The following PRKCE variants were observed in gnomAD, a reference collection of about 807,000 sequenced individuals.
PRKCE encodes protein kinase C epsilon.
A neutral mutation model predicts 85.4 loss-of-function variants in PRKCE; 16 were observed. The observed-to-expected ratio is 0.19, with a 90% CI of 0.13 to 0.28. The LOEUF (loss-of-function observed/expected upper bound fraction) is 0.28. Among genes scored for constraint, PRKCE ranks in the 10% least tolerant of loss-of-function variants. PRKCE has a pLI of 1.00. For synonymous variants in PRKCE, 388 were observed against 371.5 expected, an observed-to-expected ratio of 1.04 and a Z score of -0.51; for missense variants, 573 against 975.2, an observed-to-expected ratio of 0.59 and a Z score of 5.49.
At chr2:45,744,982 C>G (rs1181244108) in intron 1 of PRKCE, among the ~76,000 whole-genome samples, 1 of 152,136 alleles carries the variant, frequency 6.6e-6, no homozygotes, top group East Asian at 1.9e-4. Flanking sequence ...TGTATTTTTC[C>G]AAGTGCTCCA....
Position 45,763,853 on chromosome 2 carries a change from G to A in PRKCE, c.349-79147G>A, listed in dbSNP as rs112047059. On this transcript the variant is annotated intron_variant, in intron 1 of 14. Transcript: ENST00000306156. ...CACCTTGTTAAAAGAATCCCAAGCCGAATTGAACAGATTGGGAGCTTTGGT... is the reference window on the plus strand; with the variant it reads ...CACCTTGTTAAAAGAATCCCAAGCCAAATTGAACAGATTGGGAGCTTTGGT... Among the ~76,000 whole-genome samples, 629 of 152,262 alleles carry A rather than the reference G, an allele frequency of 4.1e-3. 9 individuals are homozygous for A. Among genetic ancestry groups the A allele is most frequent in the African/African-American group, 0.014 (575 of 41,560 alleles).
At chr2:45,692,323 G>GT (rs549161779) in intron 1 of PRKCE, among the ~76,000 whole-genome samples, 1 of 152,134 alleles carries the variant, frequency 6.6e-6, no homozygotes, top group African/African-American at 2.4e-5. Context: ...ATGTCGGGGA[G>GT]TTTTTTCTTG....
At chr2:45,983,439 TG>T (rs1292469058) in intron 5 of PRKCE, among the ~76,000 whole-genome samples, 2 of 152,110 alleles carry the variant, frequency 1.3e-5, no homozygotes, top group Non-Finnish European at 2.9e-5. Context: ...TGAGAGGGGC[TG>T]GGGGTGCAGC....
At chr2:45,760,042 A>G (rs756074286) in intron 1 of PRKCE, among the ~76,000 whole-genome samples, 21 of 152,336 alleles carry the variant, frequency 1.4e-4, no homozygotes, top group South Asian at 8.3e-4. Flanking sequence ...AAAGTGCTGC[A>G]GGAAAGGGCT....
At chr2:45,843,135 C>A (rs147829558) in intron 2 of PRKCE, 72 bp downstream of exon 2, 26 of 1,350,748 alleles carry the variant, frequency 1.9e-5, no homozygotes, top group Non-Finnish European at 2.5e-5. Context: ...TTCTTTCCCC[C>A]CCTTGGCCGG....
chr2:45,828,082 C>G (rs1340961482), intron 1 of PRKCE, among the ~76,000 whole-genome samples: 1 of 152,134 alleles, frequency 6.6e-6, no homozygotes, highest in Non-Finnish European at 1.5e-5. Context: ...AAATGTTTGC[C>G]CATTCCTGAT....
At chr2:45,742,508 T>C (rs1682664185) in intron 1 of PRKCE, among the ~76,000 whole-genome samples, 1 of 150,760 alleles carries the variant, frequency 6.6e-6, no homozygotes, top group Non-Finnish European at 1.5e-5. Flanking sequence ...TACCAACAGG[T>C]ATATGAAAGG....
chr2:45,767,041 A>G (rs997179926), intron 1 of PRKCE, among the ~76,000 whole-genome samples: 2 of 149,776 alleles, frequency 1.3e-5, no homozygotes, highest in Non-Finnish European at 3.0e-5. Flanking sequence ...ACTCAGTCTA[A>G]AAAAAAAAAA....
intron 1 of PRKCE, among the ~76,000 whole-genome samples, chr2:45,753,373 G>A (rs1683742251): frequency 6.6e-6 from 1 of 151,926 alleles, no homozygotes; most frequent in Admixed American, 6.5e-5. Flanking sequence ...AAGTTTTATG[G>A]AGAACTTTAC....
intron 1 of PRKCE, among the ~76,000 whole-genome samples, chr2:45,691,446 T>A (rs1167450890): frequency 2.0e-5 from 3 of 152,200 alleles, no homozygotes; most frequent in Non-Finnish European, 4.4e-5. Context: ...AAGGTTTTTC[T>A]GGAATGCCTT....
intron 1 of PRKCE, among the ~76,000 whole-genome samples, chr2:45,822,449 G>C (rs992032325): frequency 6.6e-6 from 1 of 152,222 alleles, no homozygotes; most frequent in Non-Finnish European, 1.5e-5. Context: ...GGGTGGCCCA[G>C]GTCCTGCCTG....
rs151276014 is a variant in PRKCE, at chr2:46,164,094, T to C, written c.2067+4342T>C. ...TAACTTGAGGACATGTGAGATGCCT[T>C]CCTAGCAGAGCTGGGAAAGAAAGGG... On this transcript the variant is annotated intron_variant, in intron 14 of 14. Coordinates refer to ENST00000306156, the MANE Select transcript of PRKCE (RefSeq NM_005400.3). Among the ~76,000 whole-genome samples, 317 of 152,306 alleles carry C rather than the reference T, an allele frequency of 2.1e-3. 1 individual carries two copies. The highest frequency in any genetic ancestry group is 7.0e-3 in the African/African-American group (290 of 41,570).
intron 10 of PRKCE, among the ~76,000 whole-genome samples, chr2:46,014,582 T>C (rs116054841): frequency 0.011 from 1,667 of 152,308 alleles, 37 homozygotes; most frequent in African/African-American, 0.038. Context: ...TTTTTATACA[T>C]CCACAGTTGT....
chr2:45,728,391 A>G (rs1681264755), intron 1 of PRKCE, among the ~76,000 whole-genome samples: 1 of 152,156 alleles, frequency 6.6e-6, no homozygotes, highest in African/African-American at 2.4e-5. Flanking sequence ...CCAGAGAACA[A>G]TCTAAGCAAT....
chr2:45,959,871 G>A (rs989479029), intron 2 of PRKCE, among the ~76,000 whole-genome samples: 1 of 152,170 alleles, frequency 6.6e-6, no homozygotes, highest in Non-Finnish European at 1.5e-5. Context: ...TGGTGTGAGA[G>A]GGAGTTGTCT....
At position 45,907,564 on chromosome 2, in the gene PRKCE, G is replaced by A. The variant is rs774292042; in HGVS notation, c.412+64501G>A. On this transcript the variant is annotated intron_variant, in intron 2 of 14. Coordinates refer to ENST00000306156, the MANE Select transcript of PRKCE (RefSeq NM_005400.3). The surrounding 1 kb of genome is among the most constrained non-coding windows in gnomAD (Gnocchi z 4.5). Reference sequence around the variant, plus strand: ...GGCAGTGGCATAGCAGGCAGTGAGCGTGTGCCCAAGCCTGCTTCCCATGTC... The same window carrying A: ...GGCAGTGGCATAGCAGGCAGTGAGCATGTGCCCAAGCCTGCTTCCCATGTC... 9.2e-5 allele frequency among the ~76,000 whole-genome samples: 14 copies of A among 152,210 alleles called. No homozygotes were observed. Among genetic ancestry groups the A allele is most frequent in the Non-Finnish European group, 1.3e-4 (9 of 68,028 alleles).
intron 2 of PRKCE, among the ~76,000 whole-genome samples, chr2:45,940,144 C>T (rs565152976): frequency 1.3e-5 from 2 of 152,322 alleles, no homozygotes; most frequent in African/African-American, 4.8e-5. Flanking sequence ...TTGGAAGCTT[C>T]CCTCAGACCT....
In PRKCE at chr2:45,811,789, G is replaced by A. The variant is rs1027474074; in HGVS notation, c.349-31211G>A. 9.2e-5 allele frequency among the ~76,000 whole-genome samples: 14 copies of A among 152,234 alleles called. 1 individual carries two copies. Among genetic ancestry groups the A allele is most frequent in the African/African-American group, 3.4e-4 (14 of 41,540 alleles). ...GTCATCCCACTGCATATCTTTCTGA[G>A]ATTCTTGAATTTCAAACCACTTGGA... is the stretch of plus-strand genomic sequence containing the variant. On this transcript the variant is annotated intron_variant, in intron 1 of 14. Coordinates refer to ENST00000306156, the MANE Select transcript of PRKCE (RefSeq NM_005400.3).
rs963226189 is a variant in PRKCE at position 45,828,825 on chromosome 2, A to G, written c.349-14175A>G. Among the ~76,000 whole-genome samples the G allele has an allele frequency of 2.0e-4, 30 of 152,180 alleles. 1 individual carries two copies. The highest frequency in any genetic ancestry group is 1.0e-3 in the Admixed American group (16 of 15,280). On this transcript the variant is annotated intron_variant, in intron 1 of 14. Coordinates refer to ENST00000306156, the MANE Select transcript of PRKCE (RefSeq NM_005400.3). ...AAGGTAGAAGAAAAGTAGAAAGTTG[A>G]GAAACTATAGATACTTAAAAAGAAA...
Sources: allele counts gnomAD v4.1 joint callset (sites outside exome capture counted in the v4.1 genomes callset), GRCh38; gene constraint gnomAD v4.1.1; non-coding constraint Gnocchi (gnomAD v3.1); transcripts MANE v1.5; gene names NCBI Gene and HGNC (gene_info 2026-07-23, HGNC 2026-07-21).